The following PKHD1 variants were observed in gnomAD, a reference collection of about 807,000 sequenced individuals.
PKHD1 encodes fibrocystin.
Under a neutral mutation model 412.0 loss-of-function variants are expected in PKHD1, and 291 were observed. That is an observed-to-expected ratio of 0.71 (90% CI 0.64 to 0.78). The LOEUF (loss-of-function observed/expected upper bound fraction) is 0.78, where lower values mean the gene tolerates loss of function less well. Among genes scored for constraint, PKHD1 ranks in the 30% least tolerant of loss-of-function variants. The pLI, the probability that PKHD1 is intolerant of heterozygous loss-of-function variation, is 0.00. For missense variants in PKHD1, 4,825 were observed against 4,950.7 expected, an observed-to-expected ratio of 0.97 and a Z score of 0.76; for synonymous variants, 1,777 against 1,821.5, an observed-to-expected ratio of 0.98 and a Z score of 0.62.
chr6:51,855,510 C>T (rs1419695983), intron 49 of PKHD1, among the ~76,000 whole-genome samples: 1 of 152,168 alleles, frequency 6.6e-6, no homozygotes, highest in African/African-American at 2.4e-5. Context: ...TTTGGTAAGG[C>T]ATTTTCTCTG....
chr6:51,862,851 G>A (rs1774423030), intron 48 of PKHD1, among the ~76,000 whole-genome samples: 1 of 152,142 alleles, frequency 6.6e-6, no homozygotes, highest in Non-Finnish European at 1.5e-5. Flanking sequence ...AGGTTTTGCT[G>A]GGTCAGTACA....
Position 51,747,830 on chromosome 6 carries a change from T to A in PKHD1, c.9786A>T (p.Lys3262Asn), listed in dbSNP as rs1225560606. ...PNQWPQEPWH[K>N]VRNDHSISGI... The stretch of plus-strand genomic sequence containing the variant: ...CTGAAATTGAATGATCATTCCTCAC[T>A]TTGTGCCATGGCTCCTGAGGCCACT... The change falls in exon 58 of 67, where the codon AAA becomes AAT. Residue 3262 changes from lysine to asparagine, a missense_variant. Coordinates refer to ENST00000371117, the MANE Select transcript of PKHD1 (RefSeq NM_138694.4). 7.4e-6 allele frequency: 12 copies of A among 1,613,944 alleles called. No individual in the cohort carries two copies. The highest frequency in any genetic ancestry group is 1.0e-5 in the Non-Finnish European group (12 of 1,179,854).
chr6:52,055,815 G>A, intron 18 of PKHD1, 86 bp from the exon 19 acceptor site: 1 of 1,432,286 alleles, frequency 7.0e-7, no homozygotes, highest in Non-Finnish European at 9.6e-7. Context: ...GAGGATTTTA[G>A]AGTATCTCAC....
At chr6:51,929,806 C>T (rs929501840) in intron 37 of PKHD1, among the ~76,000 whole-genome samples, 2 of 152,168 alleles carry the variant, frequency 1.3e-5, no homozygotes, top group Non-Finnish European at 1.5e-5. Context: ...TTCAATCATG[C>T]CCCACATACT....
rs138953368 is a variant in PKHD1, at chr6:51,804,890, C to T, written c.8303-13517G>A. ...AAAGTCAAAAAATAATAGATGCTGA[C>T]GAGGCTGTGAAGAAAAAGGAATGCT... On this transcript the variant is annotated intron_variant, in intron 52 of 66. Transcript: ENST00000371117. Among the ~76,000 whole-genome samples, 400 of 152,132 alleles carry T rather than the reference C, an allele frequency of 2.6e-3. 2 individuals carry two copies. Among genetic ancestry groups the T allele is most frequent in the African/African-American group, 6.4e-3 (267 of 41,504 alleles).
chr6:51,682,221 C>T (rs1450722122), intron 60 of PKHD1: 1 of 455,844 alleles, frequency 2.2e-6, no homozygotes, highest in African/African-American at 2.0e-5. Flanking sequence ...CATAAGGGAA[C>T]TCTTCTTTTG....
chr6:51,800,981 T>C lies in PKHD1; in HGVS notation c.8303-9608A>G, dbSNP rs565841761. ...TTTCTACATTCAGCCTTGGCTCCTG[T>C]GTTTTCTATTAAATATGTGAACCAA... On this transcript the variant is annotated intron_variant, in intron 52 of 66. Coordinates refer to ENST00000371117, the MANE Select transcript of PKHD1 (RefSeq NM_138694.4). 1.4e-4 allele frequency among the ~76,000 whole-genome samples: 22 copies of C among 152,322 alleles called. No homozygotes were observed. In the East Asian group the frequency reaches 3.9e-3, roughly 27 times the overall value.
intron 60 of PKHD1, among the ~76,000 whole-genome samples, chr6:51,669,054 G>T (rs1428469170): frequency 6.6e-6 from 1 of 152,160 alleles, no homozygotes; most frequent in African/African-American, 2.4e-5. Context: ...GATGATGCTG[G>T]CCTCATAAAA....
chr6:52,017,476 T>C lies in PKHD1; in HGVS notation c.5534A>G (p.Gln1845Arg), dbSNP rs566044331. ...PYLYICEESS[Q>R]CLFVPDHWAE... ...CCAATGATCTGGCACAAAGAGGCAT[T>C]GGGAACTTTCCTCGCAAATGTAGAG... The change falls in exon 34 of 67, where the codon CAA becomes CGA. Residue 1845 changes from glutamine to arginine, a missense_variant. By Grantham distance (43) the Gln-to-Arg change is conservative (BLOSUM62 1). Transcript: ENST00000371117. 1.9e-4 allele frequency: 313 copies of C among 1,614,168 alleles called. 1 individual carries two copies. In the South Asian group the frequency reaches 3.3e-3, roughly 17 times the overall value.
At chr6:51,807,831 TATG>T (rs773514553) in intron 52 of PKHD1, among the ~76,000 whole-genome samples, 1 of 152,078 alleles carries the variant, frequency 6.6e-6, no homozygotes, top group Non-Finnish European at 1.5e-5. Context: ...AACTTCACTG[TATG>T]ATTCCTTTTA....
intron 60 of PKHD1, among the ~76,000 whole-genome samples, chr6:51,711,637 A>G (rs1386461129): frequency 6.6e-6 from 1 of 152,198 alleles, no homozygotes; most frequent in African/African-American, 2.4e-5. Context: ...TGAGTTGGAA[A>G]CATAAGGATT....
intron 29 of PKHD1, among the ~76,000 whole-genome samples, chr6:52,030,029 TG>T (rs1802800316): frequency 6.6e-6 from 1 of 152,182 alleles, no homozygotes; most frequent in Non-Finnish European, 1.5e-5. Flanking sequence ...TTACCTTTCC[TG>T]TGTCCCAGTG....
intron 35 of PKHD1, among the ~76,000 whole-genome samples, chr6:51,982,621 C>T (rs1428400448): frequency 1.2e-3 from 174 of 145,742 alleles, no homozygotes; most frequent in Non-Finnish European, 1.4e-3. Flanking sequence ...GCATGCTCGT[C>T]AAGAGTCATC....
intron 63 of PKHD1, among the ~76,000 whole-genome samples, chr6:51,645,954 T>C (rs1770032092): frequency 6.6e-6 from 1 of 152,210 alleles, no homozygotes; most frequent in African/African-American, 2.4e-5. Context: ...TCTGAGGATA[T>C]TTTCCATCTA....
intron 61 of PKHD1, among the ~76,000 whole-genome samples, chr6:51,655,199 C>T (rs775862547): frequency 8.5e-5 from 13 of 152,080 alleles, no homozygotes; most frequent in Non-Finnish European, 1.2e-4. Flanking sequence ...CTAGGATGAA[C>T]ATTCTGCCGG....
intron 61 of PKHD1, among the ~76,000 whole-genome samples, chr6:51,654,156 G>A (rs1322758734): frequency 2.0e-5 from 3 of 152,048 alleles, no homozygotes; most frequent in Non-Finnish European, 4.4e-5. Flanking sequence ...ATGTGCTTAG[G>A]CACACTTGAG....
intron 52 of PKHD1, among the ~76,000 whole-genome samples, chr6:51,819,093 G>A (rs1765951721): frequency 6.6e-6 from 1 of 152,106 alleles, no homozygotes; most frequent in African/African-American, 2.4e-5. Context: ...TCCCAGAATG[G>A]TCGTGAGTGT....
At chr6:52,051,138 G>A (rs1347234129) in intron 21 of PKHD1, among the ~76,000 whole-genome samples, 2 of 152,150 alleles carry the variant, frequency 1.3e-5, no homozygotes, top group African/African-American at 2.4e-5. Flanking sequence ...AGATCAGTTC[G>A]AGGGTCAGTG....
chr6:51,722,064 C>T lies in PKHD1; in HGVS notation c.10156+22321G>A, dbSNP rs764174534. ...CTTTAGTCAGACATTGAAGGCTCTC[C>T]AAAAATATGTCTCCACCCTTCTTTT... On this transcript the variant is annotated intron_variant, in intron 60 of 66. Coordinates refer to ENST00000371117, the MANE Select transcript of PKHD1 (RefSeq NM_138694.4). 13 of 1,613,252 alleles carry T rather than the reference C, an allele frequency of 8.1e-6. No homozygotes were observed. In the East Asian group the frequency reaches 2.9e-4, roughly 36 times the overall value.
Sources: gnomAD v4.1 joint callset for allele counts (sites outside exome capture counted in the v4.1 genomes callset) on GRCh38, gnomAD v4.1.1 for gene constraint, MANE v1.5 for transcripts, NCBI Gene and HGNC (gene_info 2026-07-23, HGNC 2026-07-21) for gene names.